Variants in GNG12 observed in about 807,000 individuals in gnomAD.
The protein encoded by GNG12 is guanine nucleotide-binding protein G(I)/G(S)/G(O) subunit gamma-12.
For missense variants in GNG12, 69 were observed against 83.8 expected, an observed-to-expected ratio of 0.82 and a Z score of 0.69; for synonymous variants, 28 against 29.7, an observed-to-expected ratio of 0.94 and a Z score of 0.19.
intron 3 of GNG12, 146 bp from the exon 4 acceptor site, chr1:67,705,722 C>T: frequency 7.4e-7 from 1 of 1,350,122 alleles, no homozygotes; most frequent in South Asian, 1.8e-5. Context: ...AGATTCTTGT[C>T]AGGTATAAAA....
chr1:67,709,369 G>T (rs114029094), intron 2 of GNG12, among the ~76,000 whole-genome samples: 1 of 152,122 alleles, frequency 6.6e-6, no homozygotes, highest in African/African-American at 2.4e-5. Context: ...TTGATTGAGC[G>T]GGTATGGGTG....
rs145985865 is a variant in GNG12 at position 67,790,356 on chromosome 1, T to C, written c.-76-12849A>G. Among the ~76,000 whole-genome samples the C allele has an allele frequency of 4.3e-3, 660 of 152,228 alleles. 5 individuals carry two copies. The highest frequency in any genetic ancestry group is 0.015 in the African/African-American group (629 of 41,532). On this transcript the variant is annotated intron_variant, in intron 1 of 3. Coordinates refer to ENST00000370982, the MANE Select transcript of GNG12 (RefSeq NM_018841.6). ...CACAAACAATCTGCTGCCCAGCGTT[T>C]AGGGAAATATACAAGCATATAATCA...
intron 2 of GNG12, among the ~76,000 whole-genome samples, chr1:67,723,654 T>C (rs1646369599): frequency 6.6e-6 from 1 of 152,198 alleles, no homozygotes; most frequent in Admixed American, 6.5e-5. Flanking sequence ...TATGAGGTTA[T>C]TCCCATTGTT....
At chr1:67,812,063 A>C (rs17130308) in intron 1 of GNG12, among the ~76,000 whole-genome samples, 1,639 of 152,330 alleles carry the variant, frequency 0.011, 30 homozygotes, top group African/African-American at 0.038. Flanking sequence ...CTGACTATGG[A>C]GTAATGGCTT....
At chr1:67,818,661 G>A (rs1646968082) in intron 1 of GNG12, among the ~76,000 whole-genome samples, 1 of 152,072 alleles carries the variant, frequency 6.6e-6, no homozygotes, top group Middle Eastern at 3.2e-3. Flanking sequence ...TGAGAAAGGT[G>A]GAGGTAGGAG....
chr1:67,759,596 A>C (rs1646590650), intron 2 of GNG12, among the ~76,000 whole-genome samples: 1 of 152,194 alleles, frequency 6.6e-6, no homozygotes, highest in Non-Finnish European at 1.5e-5. Flanking sequence ...TTGCTGTGAG[A>C]GTTAAATGAA....
At chr1:67,709,483 G>A (rs1646268607) in intron 2 of GNG12, among the ~76,000 whole-genome samples, 1 of 152,040 alleles carries the variant, frequency 6.6e-6, no homozygotes, top group African/African-American at 2.4e-5. Context: ...ATTTCCCTAG[G>A]AATAAGGAAG....
At chr1:67,760,394 A>G (rs934967449) in intron 2 of GNG12, among the ~76,000 whole-genome samples, 3 of 151,830 alleles carry the variant, frequency 2.0e-5, no homozygotes, top group Non-Finnish European at 4.4e-5. Flanking sequence ...ATTTATTTTT[A>G]TTTTTATTTA....
At chr1:67,762,545 T>C (rs12069529) in intron 2 of GNG12, among the ~76,000 whole-genome samples, 13,997 of 152,232 alleles carry the variant, frequency 0.092, 713 homozygotes, top group African/African-American at 0.13. Context: ...TAAAAGAGTA[T>C]GTATTTATGT....
intron 2 of GNG12, among the ~76,000 whole-genome samples, chr1:67,709,108 T>C (rs895084014): frequency 3.9e-5 from 6 of 152,216 alleles, no homozygotes; most frequent in Non-Finnish European, 5.9e-5. Context: ...ACAAATAAAA[T>C]TGTGCTTTTA....
chr1:67,709,938 A>ATAGT (rs1403562986), intron 2 of GNG12, among the ~76,000 whole-genome samples: 1,168 of 21,826 alleles, frequency 0.054, 133 homozygotes, highest in Non-Finnish European at 0.06. Context: ...ATATATAGTT[A>ATAGT]TATATATATA....
rs762956759 is a variant in GNG12 at position 67,702,230 on chromosome 1, C to G, written c.*3221G>C. The stretch of plus-strand genomic sequence containing the variant: ...CTACCATAAAAGAAAGCAATAAAAC[C>G]CATAATGTACTCTGGTATTGTATTT... On this transcript the variant is annotated 3_prime_UTR_variant, in exon 4 of 4. Transcript: ENST00000370982. 1 of 152,066 alleles carries G rather than the reference C, an allele frequency of 6.6e-6. No individual in the cohort carries two copies. Among genetic ancestry groups the G allele is most frequent in the Non-Finnish European group, 1.5e-5 (1 of 68,014 alleles). The allele number at this position is 152,066 out of a possible 1,614,324, so 9.4% of individuals were successfully genotyped here.
intron 2 of GNG12, among the ~76,000 whole-genome samples, chr1:67,732,925 T>C (rs996097699): frequency 6.6e-6 from 1 of 152,120 alleles, no homozygotes; most frequent in Non-Finnish European, 1.5e-5. Context: ...ATTAAGCGCT[T>C]TATCATGGCC....
At position 67,707,692 on chromosome 1, in the gene GNG12, A is replaced by G. The variant is rs766497630; in HGVS notation, c.-6T>C. ...CTTGCTGTTTTGCTGGACATCTTCA[A>G]TTATTGTTTTTACCTGAAATCTGAG... On this transcript the variant is annotated 5_prime_UTR_variant, in exon 3 of 4. Coordinates refer to ENST00000370982, the MANE Select transcript of GNG12 (RefSeq NM_018841.6). 11 of 1,591,676 alleles carry G rather than the reference A, an allele frequency of 6.9e-6. No individual in the cohort carries two copies. The African/African-American group carries it at 9.5e-5, about 14-fold the overall frequency.
intron 2 of GNG12, among the ~76,000 whole-genome samples, chr1:67,774,001 C>T (rs1448666132): frequency 2.6e-5 from 4 of 152,238 alleles, no homozygotes; most frequent in African/African-American, 9.6e-5. Context: ...TCAGCTGTCA[C>T]ATCATTCACC....
At chr1:67,744,529 T>C (rs1045276262) in intron 2 of GNG12, among the ~76,000 whole-genome samples, 5 of 152,170 alleles carry the variant, frequency 3.3e-5, no homozygotes, top group Non-Finnish European at 7.4e-5. Flanking sequence ...AGCACCAGTT[T>C]ATAGTCTGCA....
At chr1:67,750,523 A>G (rs957391803) in intron 2 of GNG12, among the ~76,000 whole-genome samples, 3 of 152,218 alleles carry the variant, frequency 2.0e-5, no homozygotes, top group African/African-American at 7.2e-5. Context: ...ATCACAGCGT[A>G]ATTCACCCAG....
At chr1:67,819,099 A>G (rs1163490171) in intron 1 of GNG12, among the ~76,000 whole-genome samples, 1 of 152,154 alleles carries the variant, frequency 6.6e-6, no homozygotes, top group Non-Finnish European at 1.5e-5. Context: ...ACAACAATCC[A>G]GGTGAGAGGC....
At position 67,727,906 on chromosome 1, in the gene GNG12, G is replaced by C. The variant is rs370130404; in HGVS notation, c.-26-20194C>G. Among the ~76,000 whole-genome samples, 25 of 152,312 alleles carry C rather than the reference G, an allele frequency of 1.6e-4. 1 individual carries two copies. Among genetic ancestry groups the C allele is most frequent in the African/African-American group, 4.1e-4 (17 of 41,572 alleles). On this transcript the variant is annotated intron_variant, in intron 2 of 3. Coordinates refer to ENST00000370982, the MANE Select transcript of GNG12 (RefSeq NM_018841.6). The stretch of plus-strand genomic sequence containing the variant: ...TTTTTGCAGTTAATTGGAAAAAACA[G>C]AACCTTTTGCCTCATTAAGAATCCT...
Sources: gnomAD v4.1 joint callset for allele counts (sites outside exome capture counted in the v4.1 genomes callset) on GRCh38, gnomAD v4.1.1 for gene constraint, MANE v1.5 for transcripts, NCBI Gene and HGNC (gene_info 2026-07-23, HGNC 2026-07-21) for gene names.